Variants in GABRB1 observed in about 807,000 individuals in gnomAD.
The protein encoded by GABRB1 is gamma-aminobutyric acid receptor subunit beta-1.
Under a neutral mutation model 51.6 loss-of-function variants are expected in GABRB1, and 17 were observed. The observed-to-expected ratio is 0.33, with a 90% CI of 0.23 to 0.49. The LOEUF (loss-of-function observed/expected upper bound fraction) is 0.49, where lower values mean the gene tolerates loss of function less well. Among genes scored for constraint, GABRB1 ranks in the 20% least tolerant of loss-of-function variants. The pLI is 0.99. For synonymous variants in GABRB1, 247 were observed against 218.9 expected (o/e 1.13, Z -1.14); for missense variants, 410 against 600.6 (o/e 0.68, Z 3.32).
chr4:47,052,534 G>A (rs996275799), intron 3 of GABRB1, among the ~76,000 whole-genome samples: 11 of 152,188 alleles, frequency 7.2e-5, no homozygotes, highest in African/African-American at 2.2e-4. Context: ...TACAAACTCC[G>A]AAGTACGGAG....
chr4:47,173,888 C>T (rs1718545583), intron 4 of GABRB1, among the ~76,000 whole-genome samples: 1 of 152,196 alleles, frequency 6.6e-6, no homozygotes, highest in Non-Finnish European at 1.5e-5. Context: ...AGACTTGACA[C>T]TTCTCAATTA....
rs139595792 is a variant in GABRB1, at chr4:47,062,310, T to C, written c.240+29826T>C. On this transcript the variant is annotated intron_variant, in intron 3 of 8. Transcript: ENST00000295454. ...AGTCGGAAGCAATGTCTTTTTTTTT[T>C]TTTTTGACAAGCAAGAGATTTGTTG... Among the ~76,000 whole-genome samples, 434 of 152,044 alleles carry C rather than the reference T, an allele frequency of 2.9e-3. 4 individuals are homozygous for C. Among genetic ancestry groups the C allele is most frequent in the African/African-American group, 9.7e-3 (404 of 41,488 alleles).
At chr4:47,265,110 C>G (rs540497039) in intron 4 of GABRB1, among the ~76,000 whole-genome samples, 2 of 152,218 alleles carry the variant, frequency 1.3e-5, no homozygotes, top group Non-Finnish European at 2.9e-5. Flanking sequence ...TCACTCCCCT[C>G]TCAATTTTCT....
At chr4:47,364,276 G>A (rs190158938) in intron 5 of GABRB1, among the ~76,000 whole-genome samples, 71 of 152,190 alleles carry the variant, frequency 4.7e-4, no homozygotes, top group African/African-American at 1.6e-3. Flanking sequence ...GAAGGACAAA[G>A]GCCTCCAAAC....
chr4:47,337,603 G>A (rs563991865), intron 5 of GABRB1, among the ~76,000 whole-genome samples: 2 of 151,686 alleles, frequency 1.3e-5, no homozygotes, highest in South Asian at 2.1e-4. Context: ...TCAGGAGTTC[G>A]AGACCAACCT....
chr4:47,379,092 A>G (rs1727500981), intron 5 of GABRB1, among the ~76,000 whole-genome samples: 1 of 152,208 alleles, frequency 6.6e-6, no homozygotes, highest in African/African-American at 2.4e-5. Context: ...CTATTCTGCC[A>G]ATTCCCATAG....
At position 47,031,587 on chromosome 4, in the gene GABRB1, C is replaced by T; in HGVS notation, c.-65C>T. ...GGTCCATTCGGGAATTACTGCCCAGCAGCCGACTAAGTTGCATTCCTTGAA... is the reference window on the plus strand; with the variant it reads ...GGTCCATTCGGGAATTACTGCCCAGTAGCCGACTAAGTTGCATTCCTTGAA... On this transcript the variant is annotated 5_prime_UTR_variant, in exon 1 of 9. Coordinates refer to ENST00000295454, the MANE Select transcript of GABRB1 (RefSeq NM_000812.4). 1 of 1,373,932 alleles carries T rather than the reference C, an allele frequency of 7.3e-7. No homozygotes were observed. Among genetic ancestry groups the T allele is most frequent in the Non-Finnish European group, 1.0e-6 (1 of 961,810 alleles). The allele number at this position is 1,373,932 out of a possible 1,614,324, so 85.1% of individuals were successfully genotyped here.
intron 4 of GABRB1, among the ~76,000 whole-genome samples, chr4:47,292,694 T>C (rs1723795279): frequency 1.3e-5 from 2 of 152,208 alleles, no homozygotes; most frequent in South Asian, 4.1e-4. Flanking sequence ...AACAGAAATT[T>C]ATTGACTGAT....
intron 5 of GABRB1, among the ~76,000 whole-genome samples, chr4:47,379,697 T>C (rs1727527262): frequency 6.6e-6 from 1 of 152,214 alleles, no homozygotes. Context: ...GGGTCAAATA[T>C]ATCAGCACTT....
chr4:47,417,125 A>G (rs1331020284), intron 8 of GABRB1, among the ~76,000 whole-genome samples: 2 of 152,168 alleles, frequency 1.3e-5, no homozygotes, highest in Non-Finnish European at 2.9e-5. Flanking sequence ...GCTTTCAATC[A>G]GTAGCATGAG....
intron 5 of GABRB1, among the ~76,000 whole-genome samples, chr4:47,360,134 A>T (rs1181452562): frequency 6.6e-6 from 1 of 150,386 alleles, no homozygotes; most frequent in Non-Finnish European, 1.5e-5. Flanking sequence ...AAAAAAAAAG[A>T]TAAACAGACC....
chr4:47,336,412 T>C (rs1469140814), intron 5 of GABRB1, among the ~76,000 whole-genome samples: 1 of 152,212 alleles, frequency 6.6e-6, no homozygotes, highest in Non-Finnish European at 1.5e-5. Flanking sequence ...TAATATCCCA[T>C]TTAATCTCAA....
In GABRB1 at chr4:47,262,617, C is replaced by A. The variant is rs951925276; in HGVS notation, c.462-57510C>A. Among the ~76,000 whole-genome samples, 23 of 152,112 alleles carry A rather than the reference C, an allele frequency of 1.5e-4. No individual in the cohort carries two copies. In the East Asian group the frequency reaches 1.5e-3, roughly 10 times the overall value. On this transcript the variant is annotated intron_variant, in intron 4 of 8. Coordinates refer to ENST00000295454, the MANE Select transcript of GABRB1 (RefSeq NM_000812.4). ...GGTGGGAGTGTAAACTAGTTCAACC[C>A]TTGTGGAAGTCAGTGTGGCGATTCT... is the stretch of plus-strand genomic sequence containing the variant.
chr4:47,240,864 T>C (rs1239702707), intron 4 of GABRB1, among the ~76,000 whole-genome samples: 2 of 152,212 alleles, frequency 1.3e-5, no homozygotes, highest in Non-Finnish European at 2.9e-5. Context: ...GTTATTTTTC[T>C]CATCCCATTC....
At chr4:47,096,888 C>G (rs1438858112) in intron 3 of GABRB1, among the ~76,000 whole-genome samples, 4 of 152,168 alleles carry the variant, frequency 2.6e-5, no homozygotes, top group Admixed American at 1.3e-4. Flanking sequence ...GAGCACAGCC[C>G]TGCACGGGCC....
At chr4:47,402,130 G>A (rs554637126) in intron 5 of GABRB1, among the ~76,000 whole-genome samples, 4 of 152,204 alleles carry the variant, frequency 2.6e-5, no homozygotes, top group Non-Finnish European at 5.9e-5. Flanking sequence ...TAAAAGCGGG[G>A]AAGGGAGTGG....
chr4:47,091,205 C>G (rs1401822317), intron 3 of GABRB1, among the ~76,000 whole-genome samples: 5 of 152,044 alleles, frequency 3.3e-5, no homozygotes. Flanking sequence ...AAGTAATTAT[C>G]CTGCTCAAAA....
intron 5 of GABRB1, among the ~76,000 whole-genome samples, chr4:47,350,218 T>TAG (rs59905765): frequency 0.011 from 616 of 56,566 alleles, 9 homozygotes; most frequent in East Asian, 0.033. Flanking sequence ...TATATATATA[T>TAG]AGAGAGAGAG....
At chr4:47,034,472 T>G (rs1725466458) in intron 3 of GABRB1, among the ~76,000 whole-genome samples, 1 of 152,300 alleles carries the variant, frequency 6.6e-6, no homozygotes, top group South Asian at 2.1e-4. Flanking sequence ...TGCACTTGAT[T>G]TTTCAAAAGT....
Sources: allele counts gnomAD v4.1 joint callset (sites outside exome capture counted in the v4.1 genomes callset), GRCh38; gene constraint gnomAD v4.1.1; transcripts MANE v1.5; gene names NCBI Gene and HGNC (gene_info 2026-07-23, HGNC 2026-07-21).